Variants in NXPH1 observed in about 807,000 individuals in gnomAD.
NXPH1 encodes neurexophilin-1.
A neutral mutation model predicts 23.7 loss-of-function variants in NXPH1; 5 were observed. That is an observed-to-expected ratio of 0.21 (90% CI 0.11 to 0.44). The LOEUF (loss-of-function observed/expected upper bound fraction) is 0.44. Ranked by LOEUF, NXPH1 falls within the 20% of genes least tolerant of loss-of-function variation. The pLI is 0.99. For missense variants in NXPH1, 324 were observed against 321.6 expected (o/e 1.01, Z -0.06); for synonymous variants, 144 against 122.2 (o/e 1.18, Z -1.18).
At chr7:8,712,285 G>A (rs1222244472) in intron 2 of NXPH1, among the ~76,000 whole-genome samples, 3 of 152,012 alleles carry the variant, frequency 2.0e-5, no homozygotes, top group Admixed American at 2.0e-4. Context: ...TTTTTTACAA[G>A]GCCATTCTCT....
chr7:8,575,174 C>A (rs1394252131), intron 2 of NXPH1, among the ~76,000 whole-genome samples: 2 of 152,108 alleles, frequency 1.3e-5, no homozygotes, highest in Non-Finnish European at 2.9e-5. Context: ...GCTTAAAAGG[C>A]CAACTCTAAT....
rs546394484 is a variant in NXPH1, at chr7:8,634,488, G to C, written c.55-116520G>C. On this transcript the variant is annotated intron_variant, in intron 2 of 2. Transcript: ENST00000405863. ...ATTTCTTCAAAGCAGTGTGAAAATA[G>C]ACTAATACACCTGGATAATGATAAG... Among the ~76,000 whole-genome samples the C allele has an allele frequency of 2.6e-5, 4 of 152,148 alleles. No homozygotes were observed. In the East Asian group the frequency reaches 7.7e-4, roughly 29 times the overall value.
At chr7:8,683,647 T>C (rs1229261190) in intron 2 of NXPH1, among the ~76,000 whole-genome samples, 2 of 152,214 alleles carry the variant, frequency 1.3e-5, no homozygotes, top group East Asian at 1.9e-4. Context: ...CCTATTTTTT[T>C]CCTGGCTTTT....
At chr7:8,548,519 TAG>T (rs1031766258) in intron 2 of NXPH1, among the ~76,000 whole-genome samples, 81 of 151,528 alleles carry the variant, frequency 5.3e-4, no homozygotes, top group African/African-American at 1.8e-3. Flanking sequence ...TGCTGGGTAA[TAG>T]AGAGAGATAG....
chr7:8,448,388 G>A (rs557361164), intron 2 of NXPH1, among the ~76,000 whole-genome samples: 1 of 152,176 alleles, frequency 6.6e-6, no homozygotes, highest in Non-Finnish European at 1.5e-5. Flanking sequence ...GACACAGAAG[G>A]GCTGATTCTA....
chr7:8,731,290 C>T lies in NXPH1; in HGVS notation c.55-19718C>T, dbSNP rs546869417. Among the ~76,000 whole-genome samples the T allele has an allele frequency of 3.9e-5, 6 of 152,174 alleles. No individual in the cohort carries two copies. In the East Asian group the frequency reaches 1.2e-3, roughly 29 times the overall value. Reference sequence around the variant, plus strand: ...ACTTCTTTGCCTTTGGTTTGAATGTCCTCCCGTAGCTCAGAGTAATTTGAT... The same window carrying T: ...ACTTCTTTGCCTTTGGTTTGAATGTTCTCCCGTAGCTCAGAGTAATTTGAT... On this transcript the variant is annotated intron_variant, in intron 2 of 2. Coordinates refer to ENST00000405863, the MANE Select transcript of NXPH1 (RefSeq NM_152745.3).
chr7:8,492,550 G>T (rs564619340), intron 2 of NXPH1, among the ~76,000 whole-genome samples: 2 of 151,900 alleles, frequency 1.3e-5, no homozygotes, highest in South Asian at 4.1e-4. Context: ...GGACACAATG[G>T]TGAATAAAAC....
intron 2 of NXPH1, among the ~76,000 whole-genome samples, chr7:8,453,155 G>C (rs1816535616): frequency 6.6e-6 from 1 of 152,066 alleles, no homozygotes; most frequent in South Asian, 2.1e-4. Context: ...GAAGGAGAGG[G>C]GGAAAGGGGA....
At chr7:8,560,071 C>T (rs987912569) in intron 2 of NXPH1, among the ~76,000 whole-genome samples, 1 of 151,644 alleles carries the variant, frequency 6.6e-6, no homozygotes, top group Admixed American at 6.6e-5. Flanking sequence ...TACTTTGATG[C>T]CTCAGTTACA....
intron 2 of NXPH1, among the ~76,000 whole-genome samples, chr7:8,694,574 G>C (rs1283377585): frequency 6.6e-6 from 1 of 151,862 alleles, no homozygotes; most frequent in Non-Finnish European, 1.5e-5. Flanking sequence ...TCCTTAAACG[G>C]GTTATAATAA....
At chr7:8,523,034 G>A (rs760813826) in intron 2 of NXPH1, among the ~76,000 whole-genome samples, 5 of 152,202 alleles carry the variant, frequency 3.3e-5, no homozygotes, top group African/African-American at 7.2e-5. Context: ...CTGTAAAATG[G>A]GAATATGCAG....
chr7:8,603,668 T>C (rs2128627953), intron 2 of NXPH1, among the ~76,000 whole-genome samples: 1 of 152,316 alleles, frequency 6.6e-6, no homozygotes, highest in Admixed American at 6.5e-5. Context: ...TTTACTGTTT[T>C]TGGTTGTTCT....
chr7:8,505,960 A>G (rs1817515610), intron 2 of NXPH1, among the ~76,000 whole-genome samples: 1 of 152,192 alleles, frequency 6.6e-6, no homozygotes, highest in African/African-American at 2.4e-5. Flanking sequence ...TATAGTGTCC[A>G]TATGGTTCTG....
intron 2 of NXPH1, among the ~76,000 whole-genome samples, chr7:8,586,154 G>A (rs1328074074): frequency 6.6e-6 from 1 of 152,068 alleles, no homozygotes; most frequent in Non-Finnish European, 1.5e-5. Context: ...GGAATCAATT[G>A]ACTAAATCAA....
intron 2 of NXPH1, among the ~76,000 whole-genome samples, chr7:8,571,679 T>C (rs1249099518): frequency 6.6e-6 from 1 of 152,006 alleles, no homozygotes; most frequent in African/African-American, 2.4e-5. Context: ...TTAACTACTC[T>C]GAAAAATTTT....
rs182037998 is a variant in NXPH1, at chr7:8,453,819, T to C, written c.54+18052T>C. Among the ~76,000 whole-genome samples the C allele has an allele frequency of 2.0e-5, 3 of 152,298 alleles. No individual in the cohort carries two copies. The East Asian group carries it at 5.8e-4, about 29-fold the overall frequency. ...TACCAAATTTTTTTTATCCAGTCTA[T>C]CATTGATTGGGCATTTAGGTTGATT... is the stretch of plus-strand genomic sequence containing the variant. On this transcript the variant is annotated intron_variant, in intron 2 of 2. Transcript: ENST00000405863.
chr7:8,468,627 A>G (rs1329976561), intron 2 of NXPH1, among the ~76,000 whole-genome samples: 2 of 152,040 alleles, frequency 1.3e-5, no homozygotes, highest in African/African-American at 4.8e-5. Flanking sequence ...GTACCTTAGG[A>G]TGTGTACACT....
chr7:8,518,437 G>A (rs1042374047), intron 2 of NXPH1, among the ~76,000 whole-genome samples: 1 of 152,014 alleles, frequency 6.6e-6, no homozygotes, highest in Non-Finnish European at 1.5e-5. Context: ...AAATATTGAT[G>A]GCAAAAACAG....
At position 8,441,660 on chromosome 7, in the gene NXPH1, G is replaced by C. The variant is rs1487351668; in HGVS notation, c.54+5893G>C. Among the ~76,000 whole-genome samples the C allele has an allele frequency of 2.6e-5, 4 of 152,162 alleles. No individual in the cohort carries two copies. The South Asian group carries it at 8.3e-4, about 32-fold the overall frequency. The stretch of plus-strand genomic sequence containing the variant: ...AAATGCCAACCCAGATCAGAAAAGA[G>C]CGCCCGTCTCAATTACTATGCAAGC... On this transcript the variant is annotated intron_variant, in intron 2 of 2. Transcript: ENST00000405863.
Sources: gnomAD v4.1 joint callset for allele counts (sites outside exome capture counted in the v4.1 genomes callset) on GRCh38, gnomAD v4.1.1 for gene constraint, MANE v1.5 for transcripts, NCBI Gene and HGNC (gene_info 2026-07-23, HGNC 2026-07-21) for gene names.